The following GSTM2 variants were observed in gnomAD, a reference collection of about 807,000 sequenced individuals.
GSTM2 encodes the protein GST class-mu 2.
Under a neutral mutation model 33.3 loss-of-function variants are expected in GSTM2, and 33 were observed. That is an observed-to-expected ratio of 0.99 (90% CI 0.75 to 1.33). The LOEUF (loss-of-function observed/expected upper bound fraction) is 1.33, where lower values mean the gene tolerates loss of function less well. Among genes scored for constraint, GSTM2 ranks in the 40% most tolerant of loss-of-function variants. GSTM2 has a pLI of 0.00. For missense variants in GSTM2, 213 were observed against 265.8 expected (o/e 0.80, Z 1.38); for synonymous variants, 93 against 95.6 (o/e 0.97, Z 0.16).
At chr1:109,679,933 G>T (rs1452554678), downstream of GSTM2, among the ~76,000 whole-genome samples, 2 of 152,150 alleles carry the variant, frequency 1.3e-5, no homozygotes, top group Non-Finnish European at 1.5e-5. Context: ...AGGAGAAAAA[G>T]ACAGAGGAAG....
At chr1:109,669,869 G>C (rs1207438205) in intron 5 of GSTM2, 1 of 336,840 alleles carries the variant, frequency 3.0e-6, no homozygotes, top group Admixed American at 4.4e-5. Flanking sequence ...GCTCTTAAAG[G>C]TGGCGCGTCT....
At chr1:109,672,042 G>A (rs1007913841) in intron 7 of GSTM2, among the ~76,000 whole-genome samples, 5 of 151,550 alleles carry the variant, frequency 3.3e-5, no homozygotes, top group African/African-American at 1.2e-4. Flanking sequence ...CATTTTGGGA[G>A]GCCGAGTTGG....
downstream of GSTM2, among the ~76,000 whole-genome samples, chr1:109,676,557 T>C (rs918895797): frequency 6.6e-6 from 1 of 152,156 alleles, no homozygotes; most frequent in Non-Finnish European, 1.5e-5. Context: ...TTCACCATGT[T>C]GGCCATGCTG....
At chr1:109,676,151 C>A (rs1415006719), downstream of GSTM2, among the ~76,000 whole-genome samples, 2 of 152,198 alleles carry the variant, frequency 1.3e-5, no homozygotes, top group Admixed American at 1.3e-4. Flanking sequence ...ACCCGGCCCC[C>A]ACCCTTGACA....
intron 1 of GSTM2, 64 bp downstream of exon 1, chr1:109,668,215 T>C (rs1300984550): frequency 1.5e-5 from 23 of 1,513,154 alleles, no homozygotes; most frequent in Non-Finnish European, 1.9e-5. Flanking sequence ...GTGGAGCAGC[T>C]GCAGGACGGG....
chr1:109,674,937 G>A lies in GSTM2; in HGVS notation c.*101G>A, dbSNP rs973131120. The A allele has an allele frequency of 2.0e-5, 30 of 1,505,962 alleles. No homozygotes were observed. The highest frequency in any genetic ancestry group is 4.6e-5 in the South Asian group (4 of 87,392). 93.3% of individuals were successfully genotyped at this position (1,505,962 alleles called of 1,614,324 possible). A position where few individuals can be genotyped will look rare whatever the true frequency, so the allele number is the denominator to read the frequency against. On this transcript the variant is annotated 3_prime_UTR_variant, in exon 8 of 8. Transcript: ENST00000241337. ...TCTGCATCCCAGCACCTGCCTCCTC[G>A]TTCCTTTCTCCTGTTTATTCCCATC...
At chr1:109,669,832 C>T in intron 5 of GSTM2, 1 of 476,036 alleles carries the variant, frequency 2.1e-6, no homozygotes, top group Non-Finnish European at 3.8e-6. Context: ...AGGGGTGAAG[C>T]CGCAGACCTT....
chr1:109,673,126 T>C, intron 7 of GSTM2: 1 of 1,572,716 alleles, frequency 6.4e-7, no homozygotes. Flanking sequence ...CACCTCAGCC[T>C]CCCTAAGTGC....
intron 7 of GSTM2, among the ~76,000 whole-genome samples, chr1:109,680,359 C>G (rs932896602): frequency 1.3e-5 from 2 of 151,168 alleles, no homozygotes; most frequent in African/African-American, 4.9e-5. Flanking sequence ...AGATAAAACG[C>G]TGCAGCATAT....
At chr1:109,668,679 G>A in intron 2 of GSTM2, 179 bp downstream of exon 2, 3 of 838,024 alleles carry the variant, frequency 3.6e-6, no homozygotes, top group East Asian at 2.6e-5. Context: ...GGGATGCTGG[G>A]CCCCCGTCTG....
chr1:109,673,990 G>A (rs1383794081), intron 7 of GSTM2, among the ~76,000 whole-genome samples: 5 of 152,226 alleles, frequency 3.3e-5, no homozygotes, highest in Non-Finnish European at 4.4e-5. Flanking sequence ...GAGATGCCAT[G>A]GGTTAGGGCA....
intron 7 of GSTM2, among the ~76,000 whole-genome samples, chr1:109,672,613 G>C (rs1195249088): frequency 6.6e-6 from 1 of 152,216 alleles, no homozygotes; most frequent in Non-Finnish European, 1.5e-5. Context: ...CACTTTGGAA[G>C]AGGCAGAGCA....
downstream of GSTM2, among the ~76,000 whole-genome samples, chr1:109,677,029 A>C (rs1160472937): frequency 2.6e-5 from 4 of 152,254 alleles, no homozygotes; most frequent in African/African-American, 9.6e-5. Flanking sequence ...AAAATGAGTC[A>C]GAATTTCAAC....
intron 1 of GSTM2, 108 bp from the exon 2 acceptor site, chr1:109,668,317 G>A: frequency 1.4e-6 from 2 of 1,397,518 alleles, no homozygotes; most frequent in Non-Finnish European, 1.0e-6. Flanking sequence ...CGGGGTGGGG[G>A]CGGGTGAGGC....
chr1:109,680,001 A>G (rs1476164704), downstream of GSTM2, among the ~76,000 whole-genome samples: 2 of 151,858 alleles, frequency 1.3e-5, no homozygotes, highest in South Asian at 4.1e-4. Flanking sequence ...GGACCTCCAC[A>G]CTCCTGGTTC....
intron 7 of GSTM2, chr1:109,673,162 G>T (rs762746836): frequency 1.9e-6 from 3 of 1,606,396 alleles, no homozygotes; most frequent in Non-Finnish European, 2.5e-6. Context: ...GAGCCACCGC[G>T]CCTGGCCTCT....
intron 5 of GSTM2, chr1:109,669,896 C>T (rs1647468513): frequency 1.0e-5 from 3 of 287,986 alleles, no homozygotes; most frequent in Non-Finnish European, 2.0e-5. Flanking sequence ...GTTTATTCCT[C>T]TTGGTGGGTT....
At chr1:109,671,172 T>C (rs993780408) in intron 5 of GSTM2, 115 bp from the exon 6 acceptor site, 3 of 735,750 alleles carry the variant, frequency 4.1e-6, no homozygotes, top group African/African-American at 3.5e-5. Flanking sequence ...CAGTTCCAGC[T>C]GTGGGGAAGA....
rs373932116 is a variant in GSTM2 at position 109,669,083 on chromosome 1, T to A, written c.177+94T>A. On this transcript the variant is annotated intron_variant, in intron 3 of 7. Transcript: ENST00000241337. ...AGCTTAGAGGTGTTAAGATCAGGAG[T>A]CTTCTGCCCAATTCCTCTCACTCTT... 217 of 1,413,844 alleles carry A rather than the reference T, an allele frequency of 1.5e-4. 1 individual carries two copies. In the South Asian group the frequency reaches 2.4e-3, roughly 16 times the overall value. The allele number at this position is 1,413,844 out of a possible 1,614,324, so 87.6% of individuals were successfully genotyped here. A position where few individuals can be genotyped will look rare whatever the true frequency, so the allele number is the denominator to read the frequency against.
Sources: allele counts gnomAD v4.1 joint callset (sites outside exome capture counted in the v4.1 genomes callset), GRCh38; gene constraint gnomAD v4.1.1; transcripts MANE v1.5; gene names NCBI Gene and HGNC (gene_info 2026-07-23, HGNC 2026-07-21).